IMMP2L: variants seen among roughly 807,000 people sequenced by gnomAD.
IMMP2L encodes mitochondrial inner membrane protease subunit 2.
In IMMP2L, 18 loss-of-function variants were observed where a neutral mutation model predicts 19.3. The ratio of observed to expected loss-of-function variants is 0.93; its 90% CI spans 0.64 to 1.38. The LOEUF is 1.38. Ranked by LOEUF, IMMP2L falls within the 40% of genes most tolerant of loss-of-function variation. The pLI, the probability that IMMP2L is intolerant of heterozygous loss-of-function variation, is 0.00. For synonymous variants in IMMP2L, 76 were observed against 73.0 expected (o/e 1.04, Z -0.21); for missense variants, 233 against 218.2 (o/e 1.07, Z -0.43).
chr7:110,996,124 T>G (rs1265755823), intron 3 of IMMP2L, among the ~76,000 whole-genome samples: 1 of 152,070 alleles, frequency 6.6e-6, no homozygotes, highest in Non-Finnish European at 1.5e-5. Flanking sequence ...CATAGACAAG[T>G]ATGCAATTGC....
intron 3 of IMMP2L, among the ~76,000 whole-genome samples, chr7:111,149,367 A>G (rs1364604606): frequency 6.6e-6 from 1 of 152,144 alleles, no homozygotes; most frequent in Non-Finnish European, 1.5e-5. Context: ...GAAAAAAGTA[A>G]TATGGTTGGC....
intron 3 of IMMP2L, among the ~76,000 whole-genome samples, chr7:111,081,482 G>C (rs953456965): frequency 2.1e-4 from 32 of 152,204 alleles, no homozygotes; most frequent in African/African-American, 6.8e-4. Flanking sequence ...CTTCCAAAGA[G>C]AGACTTGACC....
At chr7:111,193,205 T>C (rs1050369834) in intron 3 of IMMP2L, among the ~76,000 whole-genome samples, 1 of 152,150 alleles carries the variant, frequency 6.6e-6, no homozygotes, top group Non-Finnish European at 1.5e-5. Context: ...TGAGGACTAA[T>C]GGGAAGAAAT....
At chr7:110,801,273 G>A (rs939748141) in intron 5 of IMMP2L, among the ~76,000 whole-genome samples, 6 of 152,082 alleles carry the variant, frequency 3.9e-5, no homozygotes, top group African/African-American at 1.4e-4. Flanking sequence ...TTAGAGGCAT[G>A]TTGCTGTTTG....
intron 3 of IMMP2L, among the ~76,000 whole-genome samples, chr7:111,189,096 C>T (rs1054784112): frequency 6.6e-6 from 1 of 152,104 alleles, no homozygotes; most frequent in African/African-American, 2.4e-5. Context: ...GGTCTAGAGG[C>T]ACCACAGCCA....
Position 111,124,518 on chromosome 7 carries a change from T to C in IMMP2L, c.240-160953A>G, listed in dbSNP as rs1485941399. ...ATGTCAAGGTATATAATCTTACTCA[T>C]CTGAATCCATCAACTGAGTATAAAA... On this transcript the variant is annotated intron_variant, in intron 3 of 5. Coordinates refer to ENST00000405709, the MANE Select transcript of IMMP2L (RefSeq NM_032549.4). 3.7e-6 allele frequency: 6 copies of C among 1,613,398 alleles called. No individual in the cohort carries two copies. The African/African-American group carries it at 8.0e-5, about 22-fold the overall frequency.
At chr7:111,187,200 G>A (rs1808366072) in intron 3 of IMMP2L, among the ~76,000 whole-genome samples, 1 of 152,068 alleles carries the variant, frequency 6.6e-6, no homozygotes, top group South Asian at 2.1e-4. Flanking sequence ...ATAGTCTGTG[G>A]GCAGCAAGAA....
chr7:111,085,791 A>C (rs2129577018), intron 3 of IMMP2L, among the ~76,000 whole-genome samples: 1 of 152,334 alleles, frequency 6.6e-6, no homozygotes, highest in South Asian at 2.1e-4. Flanking sequence ...AACACCAAGG[A>C]ATACTATGCA....
At chr7:111,162,318 T>C (rs749731018) in intron 3 of IMMP2L, among the ~76,000 whole-genome samples, 5 of 152,120 alleles carry the variant, frequency 3.3e-5, no homozygotes, top group Non-Finnish European at 5.9e-5. Context: ...AATTTGATTA[T>C]AATTTTACGA....
intron 3 of IMMP2L, among the ~76,000 whole-genome samples, chr7:111,205,513 T>C (rs1003504047): frequency 3.3e-5 from 5 of 152,162 alleles, no homozygotes; most frequent in African/African-American, 1.2e-4. Context: ...CAGGACCTTA[T>C]ACAGATTAAA....
chr7:111,122,187 C>G (rs1354835453), intron 3 of IMMP2L, among the ~76,000 whole-genome samples: 3 of 151,514 alleles, frequency 2.0e-5, no homozygotes, highest in African/African-American at 7.3e-5. Flanking sequence ...CAAACCTGCA[C>G]GTTGTGCACA....
At chr7:111,471,058 C>A (rs1013735933) in intron 3 of IMMP2L, among the ~76,000 whole-genome samples, 1 of 151,910 alleles carries the variant, frequency 6.6e-6, no homozygotes, top group East Asian at 1.9e-4. Flanking sequence ...ACATTTGTAT[C>A]GTGGCCATTG....
intron 3 of IMMP2L, among the ~76,000 whole-genome samples, chr7:111,182,851 T>G (rs1807858252): frequency 6.6e-6 from 1 of 151,996 alleles, no homozygotes; most frequent in South Asian, 2.1e-4. Flanking sequence ...TTCTCTCAAG[T>G]GCTTATGTAA....
intron 5 of IMMP2L, among the ~76,000 whole-genome samples, chr7:110,705,574 TA>T (rs1794607857): frequency 8.5e-5 from 13 of 152,166 alleles, no homozygotes; most frequent in Admixed American, 8.5e-4. Context: ...GTCATTTTTT[TA>T]AATAATTTCA....
chr7:110,839,935 T>C (rs972277682), intron 5 of IMMP2L, among the ~76,000 whole-genome samples: 4 of 152,178 alleles, frequency 2.6e-5, no homozygotes, highest in African/African-American at 9.6e-5. Flanking sequence ...CTGTTTCTCC[T>C]TCCTTCTCAG....
chr7:110,792,155 G>C (rs1800502060), intron 5 of IMMP2L, among the ~76,000 whole-genome samples: 1 of 151,764 alleles, frequency 6.6e-6, no homozygotes, highest in Non-Finnish European at 1.5e-5. Context: ...TGGGCACAGA[G>C]AGAGGCAGAC....
chr7:111,481,684 T>C (rs1563246997), intron 3 of IMMP2L, among the ~76,000 whole-genome samples: 1 of 152,076 alleles, frequency 6.6e-6, no homozygotes, highest in Non-Finnish European at 1.5e-5. Context: ...CAACACCAGG[T>C]GTTTATTACC....
chr7:111,150,122 G>A (rs1329745295), intron 3 of IMMP2L, among the ~76,000 whole-genome samples: 1 of 152,088 alleles, frequency 6.6e-6, no homozygotes, highest in Non-Finnish European at 1.5e-5. Flanking sequence ...ACCATGACAT[G>A]AAAACCAAAT....
chr7:110,907,480 G>C (rs1189573508), intron 4 of IMMP2L, among the ~76,000 whole-genome samples: 2 of 152,080 alleles, frequency 1.3e-5, no homozygotes, highest in East Asian at 3.9e-4. Context: ...GCTGAGTCCA[G>C]GGTTTTTATG....
Sources: gnomAD v4.1 joint callset for allele counts (sites outside exome capture counted in the v4.1 genomes callset) on GRCh38, gnomAD v4.1.1 for gene constraint, MANE v1.5 for transcripts, NCBI Gene and HGNC (gene_info 2026-07-23, HGNC 2026-07-21) for gene names.